The following RACK1 variants were observed in gnomAD, a reference collection of about 807,000 sequenced individuals.
RACK1 encodes the protein receptor for activated C kinase 1, also known as small ribosomal subunit protein RACK1.
A neutral mutation model predicts 42.2 loss-of-function variants in RACK1; 3 were observed. The observed-to-expected ratio is 0.07, with a 90% CI of 0.03 to 0.18. The LOEUF (loss-of-function observed/expected upper bound fraction) is 0.18. Ranked by LOEUF, RACK1 falls within the 10% of genes least tolerant of loss-of-function variation. The pLI, the probability that RACK1 is intolerant of heterozygous loss-of-function variation, is 1.00. For synonymous variants in RACK1, 181 were observed against 154.8 expected (o/e 1.17, Z -1.25); for missense variants, 146 against 403.2 (o/e 0.36, Z 5.46).
Position 181,242,267 on chromosome 5 carries a change from G to A in RACK1, c.188C>T (p.Ser63Phe). The A allele has an allele frequency of 1.2e-6, 2 of 1,613,430 alleles. No individual in the cohort carries two copies. The highest frequency in any genetic ancestry group is 1.1e-5 in the South Asian group (1 of 91,076). The change falls in exon 2 of 8, where the codon TCC becomes TTC. Residue 63 changes from serine (S) to phenylalanine (F), a missense_variant. Physicochemically the swap from Ser to Phe is radical, Grantham distance 155 (BLOSUM62 -2). Transcript: ENST00000512805. ...GATAACCACATCACTAACAAAGTGG[G>A]AGTGACCCCGCAGAGCACGCTGTGG... Reference protein sequence around the residue: ...GIPQRALRGHSHFVSDVVISS... With the variant: ...GIPQRALRGHFHFVSDVVISS...
chr5:181,242,251 A>G lies in RACK1; in HGVS notation c.204T>C (p.Asp68=). 1.2e-6 allele frequency: 2 copies of G among 1,613,904 alleles called. No individual in the cohort carries two copies. Among genetic ancestry groups the G allele is most frequent in the Non-Finnish European group, 1.7e-6 (2 of 1,179,712 alleles). The part of the protein sequence containing the change: ...ALRGHSHFVS[D]VVISSDGQFA... ...ACTGGCCATCTGAGGAGATAACCACATCACTAACAAAGTGGGAGTGACCCC... is the reference window on the plus strand; with the variant it reads ...ACTGGCCATCTGAGGAGATAACCACGTCACTAACAAAGTGGGAGTGACCCC... Residue 68 remains aspartate (D), a synonymous_variant, in exon 2 of 8, where the codon GAT becomes GAC. Transcript: ENST00000512805.
chr5:181,239,225 C>T (rs1181130873), intron 4 of RACK1, 48 bp from the exon 5 acceptor site: 2 of 1,278,822 alleles, frequency 1.6e-6, no homozygotes, highest in East Asian at 4.6e-5. Context: ...TCTTGATGAG[C>T]TAGGGTCAGG....
Position 181,236,906 on chromosome 5 carries a change from TATA to T in RACK1, c.*68_*70del. ...GTAGATAGAATGGAGCTTTTTTGCA[TATA>T]AGAAAAAAAAACCTAAAAGTCAGAA... is the stretch of plus-strand genomic sequence containing the variant. On this transcript the variant is annotated 3_prime_UTR_variant, in exon 8 of 8. Transcript: ENST00000512805. 6.6e-7 allele frequency: 1 copy of T among 1,525,582 alleles called. No homozygotes were observed. The highest frequency in any genetic ancestry group is 8.8e-7 in the Non-Finnish European group (1 of 1,142,202). The allele number at this position is 1,525,582 out of a possible 1,614,324, so 94.5% of individuals were successfully genotyped here.
At chr5:181,238,050 A>G (rs778525909) in intron 6 of RACK1, 49 bp downstream of exon 6, 3 of 1,598,538 alleles carry the variant, frequency 1.9e-6, no homozygotes, top group Non-Finnish European at 1.7e-6. Flanking sequence ...AAACATTGCC[A>G]GGGCTCAGAG....
At chr5:181,242,533 G>A (rs111814241) in intron 1 of RACK1, 188 bp from the exon 2 acceptor site, 19 of 681,244 alleles carry the variant, frequency 2.8e-5, no homozygotes, top group African/African-American at 1.1e-4. Context: ...GACTAAAAAC[G>A]CACGTAGAGG....
intron 5 of RACK1, chr5:181,238,596 G>C: frequency 2.9e-6 from 1 of 341,032 alleles, no homozygotes. Flanking sequence ...CCTGAGGTCA[G>C]GAGTTCAAGA....
rs61751567 is a variant in RACK1, at chr5:181,241,646, G to A, written c.282-7C>T. The A allele has an allele frequency of 4.7e-3, 7,611 of 1,613,818 alleles. 31 individuals carry two copies. Among genetic ancestry groups the A allele is most frequent in the Non-Finnish European group, 5.8e-3 (6,841 of 1,179,806 alleles). ...TCGCCTCGTGGTGGTGCCCCTGAGA[G>A]GGAGGAGTTTGTCATTCTCAGACTT... On this transcript the variant is annotated splice_region_variant and splice_polypyrimidine_tract_variant and intron_variant, in intron 2 of 7. Transcript: ENST00000512805.
chr5:181,243,248 C>T lies in RACK1; in HGVS notation c.109+444G>A, dbSNP rs979855628. On this transcript the variant is annotated intron_variant, in intron 1 of 7. Transcript: ENST00000512805. ...AGAACCAGGGGCAGAAAAAGTAGGCCGACACTTGAGCCACGAGGTCCTCTG... is the reference window on the plus strand; with the variant it reads ...AGAACCAGGGGCAGAAAAAGTAGGCTGACACTTGAGCCACGAGGTCCTCTG... 3.7e-6 allele frequency: 5 copies of T among 1,342,422 alleles called. No homozygotes were observed. The African/African-American group carries it at 4.5e-5, about 12-fold the overall frequency. 83.2% of individuals were successfully genotyped at this position (1,342,422 alleles called of 1,614,324 possible). A position where few individuals can be genotyped will look rare whatever the true frequency, so the allele number is the denominator to read the frequency against.
rs545325564 is a variant in RACK1, at chr5:181,240,277, C to G, written c.430-695G>C. 22 of 161,518 alleles carry G rather than the reference C, an allele frequency of 1.4e-4. No individual in the cohort carries two copies. The East Asian group carries it at 3.8e-3, about 28-fold the overall frequency. The allele number at this position is 161,518 out of a possible 1,614,324, so 10.0% of individuals were successfully genotyped here. On this transcript the variant is annotated intron_variant, in intron 3 of 7. Transcript: ENST00000512805. ...GGCTGAGGCAGGAGAATGGCGTGAA[C>G]CCGGGAAGCAGAGCTTGCAGTGAGC...
chr5:181,236,907 A>C lies in RACK1; in HGVS notation c.*70T>G. The C allele has an allele frequency of 2.0e-6, 3 of 1,526,608 alleles. No homozygotes were observed. The highest frequency in any genetic ancestry group is 2.6e-6 in the Non-Finnish European group (3 of 1,142,772). 94.6% of individuals were successfully genotyped at this position (1,526,608 alleles called of 1,614,324 possible). ...TAGATAGAATGGAGCTTTTTTGCATATAAGAAAAAAAAACCTAAAAGTCAG... is the reference window on the plus strand; with the variant it reads ...TAGATAGAATGGAGCTTTTTTGCATCTAAGAAAAAAAAACCTAAAAGTCAG... On this transcript the variant is annotated 3_prime_UTR_variant, in exon 8 of 8. Coordinates refer to ENST00000512805, the MANE Select transcript of RACK1 (RefSeq NM_006098.5).
At chr5:181,242,562 C>CG (rs1554104786) in intron 1 of RACK1, 11 of 595,302 alleles carry the variant, frequency 1.8e-5, no homozygotes, top group South Asian at 1.8e-4. Context: ...ACCCTGATAA[C>CG]TTTTTTTTTT....
intron 6 of RACK1, 129 bp from the exon 7 acceptor site, chr5:181,237,848 T>C: frequency 3.0e-6 from 2 of 674,336 alleles, no homozygotes; most frequent in Non-Finnish European, 5.3e-6. Context: ...AATGCCTACA[T>C]GCATTTTCAG....
rs558141707 is a variant in RACK1 at position 181,243,676 on chromosome 5, C to G, written c.109+16G>C. 2.5e-6 allele frequency: 4 copies of G among 1,581,048 alleles called. No individual in the cohort carries two copies. The highest frequency in any genetic ancestry group is 1.2e-5 in the South Asian group (1 of 86,764). ...GCCCTGCAATCTCGGGTCCTGAAAT[C>G]TACCTTAGTCCGTACCTCGAGAGGC... On this transcript the variant is annotated intron_variant, in intron 1 of 7. Transcript: ENST00000512805.
intron 3 of RACK1, chr5:181,240,607 C>T (rs1759306358): frequency 6.6e-6 from 1 of 152,180 alleles, no homozygotes; most frequent in South Asian, 2.1e-4. Flanking sequence ...TTCACCGCCC[C>T]CCACCCATCC....
intron 6 of RACK1, 41 bp from the exon 7 acceptor site, chr5:181,237,760 AAG>A (rs769519658): frequency 2.4e-5 from 13 of 546,044 alleles, no homozygotes; most frequent in Middle Eastern, 6.0e-4. Context: ...CTTACCAATC[AAG>A]AGAGTCTCCT....
At chr5:181,237,894 C>A (rs765877004) in intron 6 of RACK1, 175 bp from the exon 7 acceptor site, 1 of 660,396 alleles carries the variant, frequency 1.5e-6, no homozygotes, top group South Asian at 1.8e-5. Context: ...CTACTGACAT[C>A]TAGTAGAAGC....
intron 5 of RACK1, 189 bp downstream of exon 5, chr5:181,238,878 A>G (rs557823886): frequency 1.1e-4 from 74 of 663,172 alleles, no homozygotes; most frequent in Admixed American, 5.0e-4. Context: ...TTTTTCTTCC[A>G]GATAGTATGC....
At chr5:181,237,757 A>G (rs1185056921) in intron 6 of RACK1, 38 bp from the exon 7 acceptor site, 2 of 1,078,466 alleles carry the variant, frequency 1.9e-6, no homozygotes, top group Non-Finnish European at 1.4e-6. Flanking sequence ...AGACTTACCA[A>G]TCAAGAGAGT....
At chr5:181,239,288 G>C in intron 4 of RACK1, 111 bp from the exon 5 acceptor site, 1 of 808,260 alleles carries the variant, frequency 1.2e-6, no homozygotes, top group Non-Finnish European at 2.2e-6. Context: ...TTCTCATTCA[G>C]TAACATGTCC....
Sources: allele counts gnomAD v4.1 joint callset, GRCh38; gene constraint gnomAD v4.1.1; transcripts MANE v1.5; gene names NCBI Gene and HGNC (gene_info 2026-07-23, HGNC 2026-07-21).